Variants in TBL1X observed in about 807,000 individuals in gnomAD.
The protein encoded by TBL1X is transducin beta like 1 X-linked, also known as F-box-like/WD repeat-containing protein TBL1X.
In TBL1X, 10 loss-of-function variants were observed where a neutral mutation model predicts 50.7. The observed-to-expected ratio is 0.20, with a 90% CI of 0.12 to 0.33. The LOEUF (loss-of-function observed/expected upper bound fraction) is 0.33. Among genes scored for constraint, TBL1X ranks in the 10% least tolerant of loss-of-function variants. The pLI, the probability that TBL1X is intolerant of heterozygous loss-of-function variation, is 1.00. For synonymous variants in TBL1X, 190 were observed against 214.7 expected, an observed-to-expected ratio of 0.88 and a Z score of 1.01; for missense variants, 340 against 504.4, an observed-to-expected ratio of 0.67 and a Z score of 3.12.
At chrX:9,476,571 C>A (rs768495474) in intron 1 of TBL1X, among the ~76,000 whole-genome samples, 2 of 112,286 alleles carry the variant, frequency 1.8e-5, no homozygotes, top group African/African-American at 6.5e-5. Context: ...GCGCACACTT[C>A]CTGTGCTTTC....
intron 12 of TBL1X, among the ~76,000 whole-genome samples, chrX:9,703,513 GGTGACCCCTGCA>G: frequency 8.9e-6 from 1 of 111,737 alleles, no homozygotes; most frequent in South Asian, 3.8e-4. Flanking sequence ...TAGGAAGGCG[GGTGACCCCTGCA>G]GTCCGTGGAC....
intron 6 of TBL1X, among the ~76,000 whole-genome samples, chrX:9,686,416 C>T (rs56896421): frequency 0.015 from 1,640 of 112,393 alleles, 32 homozygotes; most frequent in African/African-American, 0.051. Context: ...AAAAGTGAGA[C>T]GCCAGGGGCG....
At chrX:9,613,533 G>A (rs760563625) in intron 2 of TBL1X, among the ~76,000 whole-genome samples, 54 of 111,583 alleles carry the variant, frequency 4.8e-4, no homozygotes, top group Admixed American at 2.4e-3. Flanking sequence ...TTTAACTTGT[G>A]AATTGAGATA....
intron 2 of TBL1X, among the ~76,000 whole-genome samples, chrX:9,608,628 C>T (rs1343416457): frequency 1.8e-5 from 2 of 112,052 alleles, no homozygotes; most frequent in African/African-American, 6.5e-5. Context: ...TTCCCAAATC[C>T]CTTGAGGCAA....
intron 2 of TBL1X, among the ~76,000 whole-genome samples, chrX:9,570,247 T>C (rs1304849035): frequency 8.9e-6 from 1 of 112,310 alleles, no homozygotes; most frequent in East Asian, 2.8e-4. Flanking sequence ...AAACAGCATT[T>C]GTGTGTAGCC....
intron 2 of TBL1X, among the ~76,000 whole-genome samples, chrX:9,520,193 T>C (rs2082100026): frequency 1.8e-5 from 2 of 112,169 alleles, no homozygotes; most frequent in Non-Finnish European, 3.8e-5. Flanking sequence ...CTGGAATATG[T>C]GCATGGAAAA....
rs773520250 is a variant in TBL1X, at chrX:9,707,611, TC to T, written c.1237-1635del. On this transcript the variant is annotated intron_variant, in intron 13 of 17. Transcript: ENST00000645353. ...GATCCGCTCCCAGGAAGTTATTTGTTCCTTTGCATGGGCTTGGCTAGGGACA... is the reference window on the plus strand; with the variant it reads ...GATCCGCTCCCAGGAAGTTATTTGTTCTTTGCATGGGCTTGGCTAGGGACA... 1.1e-4 allele frequency among the ~76,000 whole-genome samples: 12 copies of T among 112,557 alleles called. 1 individual carries two copies. Among genetic ancestry groups the T allele is most frequent in the African/African-American group, 3.5e-4 (11 of 31,003 alleles).
rs186123215 is a variant in TBL1X at position 9,592,833 on chromosome X, G to A, written c.-130-47440G>A. Among the ~76,000 whole-genome samples, 19 of 112,351 alleles carry A rather than the reference G, an allele frequency of 1.7e-4. No homozygotes were observed. The East Asian group carries it at 5.0e-3, about 30-fold the overall frequency. On this transcript the variant is annotated intron_variant, in intron 2 of 17. Coordinates refer to ENST00000645353, the MANE Select transcript of TBL1X (RefSeq NM_005647.4). Reference sequence around the variant, plus strand: ...TATTTTTGTGGCCGAATACTAATCCGTTGTAGGGTCACTCACACGCACACA... The same window carrying A: ...TATTTTTGTGGCCGAATACTAATCCATTGTAGGGTCACTCACACGCACACA...
chrX:9,463,959 C>T (rs1185458567), upstream of TBL1X, among the ~76,000 whole-genome samples: 1 of 111,847 alleles, frequency 8.9e-6, no homozygotes, highest in Non-Finnish European at 1.9e-5. Context: ...ACAACCAGAA[C>T]AACAAATGGT....
At chrX:9,662,086 G>A (rs1209007676) in intron 5 of TBL1X, among the ~76,000 whole-genome samples, 1 of 111,547 alleles carries the variant, frequency 9.0e-6, no homozygotes, top group Non-Finnish European at 1.9e-5. Flanking sequence ...TCTGAACAGG[G>A]TGCTGTCAGT....
chrX:9,599,102 C>A (rs1320303135), intron 2 of TBL1X, among the ~76,000 whole-genome samples: 2 of 110,001 alleles, frequency 1.8e-5, no homozygotes, highest in African/African-American at 6.6e-5. Flanking sequence ...AGCCGCCACA[C>A]CCGGCTAATT....
chrX:9,533,381 C>T (rs929365537), intron 2 of TBL1X, among the ~76,000 whole-genome samples: 3 of 111,589 alleles, frequency 2.7e-5, no homozygotes, highest in Non-Finnish European at 5.6e-5. Context: ...TTTTTCAAAA[C>T]GTTTCTTCTA....
intron 2 of TBL1X, among the ~76,000 whole-genome samples, chrX:9,604,866 T>G (rs2082575252): frequency 9.0e-6 from 1 of 110,838 alleles, no homozygotes; most frequent in South Asian, 3.9e-4. Context: ...TTTCTGTGTT[T>G]GGAATCCAAG....
intron 1 of TBL1X, among the ~76,000 whole-genome samples, chrX:9,467,190 T>G (rs1465977446): frequency 2.7e-5 from 3 of 112,617 alleles, no homozygotes; most frequent in African/African-American, 9.7e-5. Flanking sequence ...AGATTTTTTT[T>G]CACCTTTTAA....
In TBL1X at chrX:9,691,563, G is replaced by T. The variant is rs780545205; in HGVS notation, c.617-16G>T. 8.3e-7 allele frequency: 1 copy of T among 1,203,713 alleles called. No individual in the cohort carries two copies. Among genetic ancestry groups the T allele is most frequent in the Non-Finnish European group, 1.1e-6 (1 of 891,700 alleles). ...GTATTGGTAAGCCACTTGTCTCTTT[G>T]TGTTTGCTGTGACAGATAATCACGC... On this transcript the variant is annotated splice_polypyrimidine_tract_variant and intron_variant, in intron 7 of 17. Transcript: ENST00000645353.
chrX:9,556,218 A>C (rs2082298553), intron 2 of TBL1X, among the ~76,000 whole-genome samples: 4 of 109,628 alleles, frequency 3.6e-5, no homozygotes, highest in African/African-American at 6.6e-5. Flanking sequence ...AACAAAAAAA[A>C]CAGTACAAAG....
intron 5 of TBL1X, among the ~76,000 whole-genome samples, chrX:9,681,363 C>CACAGTTT (rs1488368374): frequency 8.9e-6 from 1 of 112,085 alleles, no homozygotes; most frequent in African/African-American, 3.2e-5. Flanking sequence ...GTCTACGGTT[C>CACAGTTT]ACAGTTTAGT....
intron 1 of TBL1X, among the ~76,000 whole-genome samples, chrX:9,492,871 GTGTGTGTGT>G (rs2081952390): frequency 1.9e-5 from 1 of 53,876 alleles, no homozygotes. Flanking sequence ...GTGTGTGTGT[GTGTGTGTGT>G]GTGTGTGTGT....
intron 5 of TBL1X, among the ~76,000 whole-genome samples, chrX:9,683,187 C>T (rs1356163018): frequency 8.9e-6 from 1 of 111,874 alleles, no homozygotes; most frequent in East Asian, 2.8e-4. Flanking sequence ...TCCTCATCAC[C>T]CCCAGACCTC....
Sources: gnomAD v4.1 joint callset for allele counts (sites outside exome capture counted in the v4.1 genomes callset) on GRCh38, gnomAD v4.1.1 for gene constraint, MANE v1.5 for transcripts, NCBI Gene and HGNC (gene_info 2026-07-23, HGNC 2026-07-21) for gene names.